The following CDK6 variants were observed in gnomAD, a reference collection of about 807,000 sequenced individuals.
CDK6 encodes cyclin-dependent kinase 6.
In CDK6, 6 loss-of-function variants were observed where a neutral mutation model predicts 37.1. The observed-to-expected ratio is 0.16, with a 90% CI of 0.09 to 0.32. CDK6 has a LOEUF of 0.32. Ranked by LOEUF, CDK6 falls within the 10% of genes least tolerant of loss-of-function variation. The probability of loss-of-function intolerance (pLI) is 1.00; values close to 1 mark genes in which losing one functional copy is unlikely to be tolerated. For synonymous variants in CDK6, 160 were observed against 161.3 expected, an observed-to-expected ratio of 0.99 and a Z score of 0.06; for missense variants, 224 against 418.9, an observed-to-expected ratio of 0.53 and a Z score of 4.06.
chr7:92,771,342 C>T (rs1207990739), intron 3 of CDK6, among the ~76,000 whole-genome samples: 1 of 144,118 alleles, frequency 6.9e-6, no homozygotes, highest in Admixed American at 6.9e-5. Flanking sequence ...GACTCCGTCT[C>T]AAAAAAAAAT....
intron 2 of CDK6, among the ~76,000 whole-genome samples, chr7:92,822,207 C>G (rs893302996): frequency 2.0e-5 from 3 of 151,972 alleles, no homozygotes; most frequent in Non-Finnish European, 4.4e-5. Flanking sequence ...TAAAATATCA[C>G]TAAAATATCA....
At chr7:92,672,358 C>T (rs1418408323) in intron 4 of CDK6, among the ~76,000 whole-genome samples, 2 of 151,306 alleles carry the variant, frequency 1.3e-5, no homozygotes, top group Non-Finnish European at 2.9e-5. Flanking sequence ...TAAAACCCCT[C>T]TCCATGATGC....
At chr7:92,788,213 G>A (rs1800193562) in intron 2 of CDK6, among the ~76,000 whole-genome samples, 1 of 152,092 alleles carries the variant, frequency 6.6e-6, no homozygotes, top group African/African-American at 2.4e-5. Flanking sequence ...TTTGATCTTT[G>A]TTCTAGAAGT....
chr7:92,663,078 C>T (rs1411425357), intron 5 of CDK6, among the ~76,000 whole-genome samples: 1 of 151,954 alleles, frequency 6.6e-6, no homozygotes, highest in Non-Finnish European at 1.5e-5. Context: ...GGGCTAAGAA[C>T]AGGGATGGGA....
At chr7:92,805,094 G>A (rs1422487717) in intron 2 of CDK6, among the ~76,000 whole-genome samples, 1 of 152,176 alleles carries the variant, frequency 6.6e-6, no homozygotes, top group African/African-American at 2.4e-5. Flanking sequence ...GATTCAAAGA[G>A]CTTGAAATCT....
chr7:92,706,069 G>GT (rs1797958857), intron 4 of CDK6, among the ~76,000 whole-genome samples: 1 of 152,224 alleles, frequency 6.6e-6, no homozygotes. Flanking sequence ...TGAAAGAAGT[G>GT]TATGTTATCT....
chr7:92,805,691 G>A (rs889245061), intron 2 of CDK6, among the ~76,000 whole-genome samples: 6 of 152,154 alleles, frequency 3.9e-5, no homozygotes, highest in Non-Finnish European at 7.3e-5. Context: ...CTATCCTAAA[G>A]CACTCCACAG....
intron 5 of CDK6, among the ~76,000 whole-genome samples, chr7:92,629,577 A>G (rs988470468): frequency 6.6e-6 from 1 of 152,190 alleles, no homozygotes; most frequent in Non-Finnish European, 1.5e-5. Flanking sequence ...TGACTAAAAT[A>G]AGACTAAGCG....
At chr7:92,645,059 C>T (rs3731337) in intron 5 of CDK6, among the ~76,000 whole-genome samples, 1,617 of 152,304 alleles carry the variant, frequency 0.011, 106 homozygotes, top group Admixed American at 0.098. Context: ...CACCCCCACA[C>T]GCAAAAGCTC....
chr7:92,743,979 C>T (rs1335061312), intron 3 of CDK6, among the ~76,000 whole-genome samples: 1 of 152,092 alleles, frequency 6.6e-6, no homozygotes, highest in Non-Finnish European at 1.5e-5. Flanking sequence ...AAACTGTATG[C>T]TTGAGATTAG....
chr7:92,712,159 CAAA>C (rs1422096624), intron 4 of CDK6, among the ~76,000 whole-genome samples: 1 of 129,052 alleles, frequency 7.7e-6, no homozygotes, highest in Non-Finnish European at 1.7e-5. Flanking sequence ...GACTCCGTCC[CAAA>C]AAAAAAAAAA....
At chr7:92,739,163 T>C (rs1322023393) in intron 3 of CDK6, among the ~76,000 whole-genome samples, 2 of 152,210 alleles carry the variant, frequency 1.3e-5, no homozygotes, top group African/African-American at 4.8e-5. Context: ...TTGTTTGTGT[T>C]TCCATAATTA....
At chr7:92,645,785 T>C (rs188569353) in intron 5 of CDK6, among the ~76,000 whole-genome samples, 1 of 152,358 alleles carries the variant, frequency 6.6e-6, no homozygotes, top group African/African-American at 2.4e-5. Flanking sequence ...TATGAGTATG[T>C]TGGATGACCT....
chr7:92,769,677 AGCC>A (rs941192910), intron 3 of CDK6, among the ~76,000 whole-genome samples: 9 of 152,202 alleles, frequency 5.9e-5, no homozygotes, highest in African/African-American at 2.2e-4. Context: ...CATTTGGAAA[AGCC>A]TGTACAGGAG....
intron 4 of CDK6, chr7:92,725,290 G>A (rs1798484796): frequency 1.2e-5 from 12 of 985,418 alleles, no homozygotes; most frequent in Non-Finnish European, 1.3e-5. Flanking sequence ...CCCTGACCTT[G>A]AGCTGTGTGT....
chr7:92,636,876 G>A (rs1219973551), intron 5 of CDK6, among the ~76,000 whole-genome samples: 3 of 152,056 alleles, frequency 2.0e-5, no homozygotes, highest in South Asian at 2.1e-4. Context: ...TGTTAGCCAG[G>A]CTGGTCTCGA....
intron 3 of CDK6, among the ~76,000 whole-genome samples, chr7:92,753,649 C>T (rs564085261): frequency 4.6e-5 from 7 of 151,780 alleles, no homozygotes; most frequent in South Asian, 2.1e-4. Context: ...CACACCACCA[C>T]GCCCAGCTAG....
At chr7:92,747,389 A>G (rs1001393736) in intron 3 of CDK6, among the ~76,000 whole-genome samples, 1 of 152,196 alleles carries the variant, frequency 6.6e-6, no homozygotes, top group African/African-American at 2.4e-5. Context: ...AAACACAACA[A>G]TGGTATCAGC....
chr7:92,815,567 G>A (rs577012168), intron 2 of CDK6, among the ~76,000 whole-genome samples: 7 of 152,282 alleles, frequency 4.6e-5, no homozygotes, highest in African/African-American at 1.7e-4. Context: ...AGCAAATGAG[G>A]TGAGCCCTAG....
Sources: allele counts gnomAD v4.1 joint callset (sites outside exome capture counted in the v4.1 genomes callset), GRCh38; gene constraint gnomAD v4.1.1; transcripts MANE v1.5; gene names NCBI Gene and HGNC (gene_info 2026-07-23, HGNC 2026-07-21).